The following RIBC2 variants were observed in gnomAD, a reference collection of about 807,000 sequenced individuals.
RIBC2 encodes the protein RIB43A-like with coiled-coils protein 2.
Under a neutral mutation model 44.3 loss-of-function variants are expected in RIBC2, and 40 were observed. The observed-to-expected ratio is 0.90, with a 90% CI of 0.70 to 1.18. The LOEUF (loss-of-function observed/expected upper bound fraction) is 1.18, where lower values mean the gene tolerates loss of function less well. RIBC2 is among the 50% of genes most tolerant of loss of function. The probability of loss-of-function intolerance (pLI) is 0.00; values close to 1 mark genes in which losing one functional copy is unlikely to be tolerated. For synonymous variants in RIBC2, 171 were observed against 175.0 expected, an observed-to-expected ratio of 0.98 and a Z score of 0.18; for missense variants, 459 against 485.5, an observed-to-expected ratio of 0.95 and a Z score of 0.51.
intron 4 of RIBC2, 27 bp downstream of exon 4, chr22:45,422,435 C>G (rs139795049): frequency 1.3e-6 from 2 of 1,529,268 alleles, no homozygotes; most frequent in Non-Finnish European, 1.8e-6. Context: ...ACCTCGGGCT[C>G]GACGACTGGA....
intron 5 of RIBC2, among the ~76,000 whole-genome samples, chr22:45,427,735 A>G (rs1305681450): frequency 6.6e-6 from 1 of 152,234 alleles, no homozygotes; most frequent in African/African-American, 2.4e-5. Flanking sequence ...CCTGAGTTCA[A>G]GCGATTCTCC....
At chr22:45,423,693 C>A (rs1326771467) in intron 4 of RIBC2, among the ~76,000 whole-genome samples, 4 of 152,042 alleles carry the variant, frequency 2.6e-5, no homozygotes, top group African/African-American at 9.7e-5. Flanking sequence ...ATGAGGAGAG[C>A]CAACTGCGGG....
At chr22:45,429,417 A>G (rs1186090413) in intron 5 of RIBC2, among the ~76,000 whole-genome samples, 6 of 152,232 alleles carry the variant, frequency 3.9e-5, no homozygotes, top group African/African-American at 1.4e-4. Context: ...GAGGGTCTCA[A>G]ACCTGCAAAG....
Position 45,430,960 on chromosome 22 carries a change from G to T in RIBC2, c.964G>T (p.Ala322Ser). 6.2e-7 allele frequency: 1 copy of T among 1,609,632 alleles called. No homozygotes were observed. Among genetic ancestry groups the T allele is most frequent in the Non-Finnish European group, 8.5e-7 (1 of 1,178,128 alleles). ...LDWDRRRIQG[A>S]RATLLFERQQ... Reference sequence around the variant, plus strand: ...CTGGGACCGGCGGAGGATTCAGGGGGCTCGCGCCACCCTGCTGTTTGAGCG... The same window carrying T: ...CTGGGACCGGCGGAGGATTCAGGGGTCTCGCGCCACCCTGCTGTTTGAGCG... The change falls in exon 6 of 7, where the codon GCT (alanine) becomes TCT (serine). Residue 322 changes from alanine to serine, a missense_variant. Transcript: ENST00000614167.
rs1293260570 is a variant in RIBC2, at chr22:45,415,621, ATAT to A, written c.211+1219_211+1221del. ...TATATGTGTATATATATATATATAT[ATAT>A]AACAACACTGCCCTGCCCCCTACCT... On this transcript the variant is annotated intron_variant, in intron 2 of 6. Coordinates refer to ENST00000614167, the MANE Select transcript of RIBC2 (RefSeq NM_015653.5). 6.6e-5 allele frequency among the ~76,000 whole-genome samples: 9 copies of A among 136,612 alleles called. No homozygotes were observed. The East Asian group carries it at 1.3e-3, about 20-fold the overall frequency. 89.6% of individuals were successfully genotyped at this position (136,612 alleles called of 152,430 possible).
At chr22:45,423,806 TAC>T (rs1159065208) in intron 4 of RIBC2, among the ~76,000 whole-genome samples, 2 of 152,204 alleles carry the variant, frequency 1.3e-5, no homozygotes, top group Non-Finnish European at 2.9e-5. Context: ...CCCTTCATTT[TAC>T]AGAGGGCGAC....
chr22:45,414,031 C>G lies in RIBC2; in HGVS notation c.129+16C>G, dbSNP rs1380485552. 3 of 1,551,120 alleles carry G rather than the reference C, an allele frequency of 1.9e-6. No individual in the cohort carries two copies. The highest frequency in any genetic ancestry group is 1.7e-6 in the Non-Finnish European group (2 of 1,146,716). ...GATAATTGGGGTGAAAGGGCAGGGGCCGGGACGGGGTTAGAGCGGCAGATG... is the reference window on the plus strand; with the variant it reads ...GATAATTGGGGTGAAAGGGCAGGGGGCGGGACGGGGTTAGAGCGGCAGATG... On this transcript the variant is annotated intron_variant, in intron 1 of 6. Coordinates refer to ENST00000614167, the MANE Select transcript of RIBC2 (RefSeq NM_015653.5).
rs1301643270 is a variant in RIBC2 at position 45,413,855 on chromosome 22, C to G, written c.-32C>G. 6.5e-7 allele frequency: 1 copy of G among 1,528,146 alleles called. No homozygotes were observed. Among genetic ancestry groups the G allele is most frequent in the Non-Finnish European group, 8.8e-7 (1 of 1,132,188 alleles). 94.7% of individuals were successfully genotyped at this position (1,528,146 alleles called of 1,614,324 possible). The stretch of plus-strand genomic sequence containing the variant: ...TATTTTCGTCGCCTGTTCTCCTGAT[C>G]CTGCGTGTTCTAAAAACCCCTTAGG... On this transcript the variant is annotated 5_prime_UTR_variant, in exon 1 of 7. The change creates a new upstream start codon in the 5' untranslated region. Transcript: ENST00000614167.
chr22:45,420,062 G>T (rs1049574241), intron 3 of RIBC2, among the ~76,000 whole-genome samples: 2 of 152,004 alleles, frequency 1.3e-5, no homozygotes, highest in Non-Finnish European at 2.9e-5. Context: ...CTGCTCTTTG[G>T]GTCTCTCCCC....
intron 5 of RIBC2, among the ~76,000 whole-genome samples, chr22:45,427,670 T>C (rs1454605946): frequency 1.3e-5 from 2 of 152,252 alleles, no homozygotes; most frequent in African/African-American, 4.8e-5. Flanking sequence ...AGTCTCACTC[T>C]ATCACCCTGG....
At chr22:45,425,297 G>A (rs1464129417) in intron 4 of RIBC2, among the ~76,000 whole-genome samples, 2 of 152,164 alleles carry the variant, frequency 1.3e-5, no homozygotes, top group Non-Finnish European at 2.9e-5. Context: ...CATGTGGGAG[G>A]CCGGCTCCTT....
At chr22:45,431,517 G>C (rs2087580072) in intron 6 of RIBC2, among the ~76,000 whole-genome samples, 1 of 152,208 alleles carries the variant, frequency 6.6e-6, no homozygotes, top group South Asian at 2.1e-4. Context: ...AAGCAAACAG[G>C]TGAACTTGCA....
In RIBC2 at chr22:45,422,312, G is replaced by A. The variant is rs763441845; in HGVS notation, c.579G>A (p.Arg193=). 1.9e-6 allele frequency: 3 copies of A among 1,614,036 alleles called. No individual in the cohort carries two copies. Among genetic ancestry groups the A allele is most frequent in the East Asian group, 4.5e-5 (2 of 44,892 alleles). The change falls in exon 4 of 7, where the codon AGG becomes AGA. Residue 193 remains arginine (R), a synonymous_variant. Transcript: ENST00000614167. ...KCAEALYTET[R]LQFDETAKHL... ...CAGAGGCCCTCTACACAGAGACAAG[G>A]CTGCAGTTTGACGAGACAGCCAAGC...
At chr22:45,422,430 GGGCTCGACGACT>G (rs1482408317) in intron 4 of RIBC2, 22 bp downstream of exon 4, 3 of 1,554,706 alleles carry the variant, frequency 1.9e-6, no homozygotes, top group African/African-American at 1.4e-5. Flanking sequence ...CCGCGACCTC[GGGCTCGACGACT>G]GGAGGGGAGG....
rs113415751 is a variant in RIBC2 at position 45,422,159 on chromosome 22, G to T, written c.557-131G>T. The T allele has an allele frequency of 3.5e-3, 2,451 of 701,834 alleles. 36 individuals carry two copies. The African/African-American group carries it at 0.038, about 11-fold the overall frequency. The allele number at this position is 701,834 out of a possible 1,614,324, so 43.5% of individuals were successfully genotyped here. ...ACTCTCCCACAGCCTTCAGAGGCAG[G>T]TCCTGTCATTATTGTTCCCGTCCTC... On this transcript the variant is annotated intron_variant, in intron 3 of 6. Transcript: ENST00000614167.
intron 4 of RIBC2, among the ~76,000 whole-genome samples, chr22:45,425,143 AC>A (rs1476695315): frequency 2.7e-4 from 41 of 151,922 alleles, no homozygotes; most frequent in African/African-American, 9.4e-4. Flanking sequence ...AAACAAACAA[AC>A]AAAAAAAAAC....
At chr22:45,430,850 T>G in intron 5 of RIBC2, 50 bp from the exon 6 acceptor site, 4 of 1,480,152 alleles carry the variant, frequency 2.7e-6, no homozygotes, top group Non-Finnish European at 2.7e-6. Context: ...TCCCCTGGGG[T>G]TCTTTGGCTC....
At chr22:45,432,250 T>C in intron 6 of RIBC2, 34 bp from the exon 7 acceptor site, 1 of 1,257,488 alleles carries the variant, frequency 8.0e-7, no homozygotes, top group Non-Finnish European at 1.1e-6. Context: ...TATACACATT[T>C]GCTGACCTTT....
At chr22:45,418,058 C>A in intron 3 of RIBC2, 112 bp downstream of exon 3, 1 of 746,322 alleles carries the variant, frequency 1.3e-6, no homozygotes, top group Non-Finnish European at 2.1e-6. Flanking sequence ...TTTAAGCAAC[C>A]CTACAGTTTT....
Sources: gnomAD v4.1 joint callset for allele counts (sites outside exome capture counted in the v4.1 genomes callset) on GRCh38, gnomAD v4.1.1 for gene constraint, MANE v1.5 for transcripts, NCBI Gene and HGNC (gene_info 2026-07-23, HGNC 2026-07-21) for gene names.